KCNQ5: variants seen among roughly 807,000 people sequenced by gnomAD.
KCNQ5 encodes potassium voltage-gated channel subfamily Q member 5, also known as potassium voltage-gated channel subfamily KQT member 5.
A neutral mutation model predicts 98.2 loss-of-function variants in KCNQ5; 30 were observed. That is an observed-to-expected ratio of 0.31 (90% CI 0.23 to 0.41). KCNQ5 has a LOEUF of 0.41. Among genes scored for constraint, KCNQ5 ranks in the 10% least tolerant of loss-of-function variants. The pLI is 1.00. For missense variants in KCNQ5, 835 were observed against 1,182.5 expected (o/e 0.71, Z 4.31); for synonymous variants, 458 against 449.4 (o/e 1.02, Z -0.24).
intron 1 of KCNQ5, among the ~76,000 whole-genome samples, chr6:72,753,865 T>G (rs1323338179): frequency 2.6e-5 from 4 of 152,180 alleles, no homozygotes; most frequent in Non-Finnish European, 5.9e-5. Context: ...TACATATATT[T>G]TCTCTAAGTC....
At chr6:73,139,684 G>C (rs753047592) in intron 10 of KCNQ5, among the ~76,000 whole-genome samples, 1 of 152,118 alleles carries the variant, frequency 6.6e-6, no homozygotes, top group South Asian at 2.1e-4. Flanking sequence ...AAGGCAAAGT[G>C]GGTAAAGGAA....
chr6:73,142,498 C>CA (rs60700064), intron 10 of KCNQ5, among the ~76,000 whole-genome samples: 2,040 of 133,748 alleles, frequency 0.015, 32 homozygotes, highest in African/African-American at 0.045. Context: ...TATTATATCT[C>CA]AAAAAAAAAA....
At chr6:72,786,089 T>G (rs761529682) in intron 1 of KCNQ5, among the ~76,000 whole-genome samples, 104 of 152,244 alleles carry the variant, frequency 6.8e-4, no homozygotes, top group Non-Finnish European at 1.4e-3. Context: ...ATTACTATTT[T>G]GACACAATTG....
chr6:72,837,049 T>C (rs1160159724), intron 1 of KCNQ5, among the ~76,000 whole-genome samples: 1 of 152,214 alleles, frequency 6.6e-6, no homozygotes, highest in Non-Finnish European at 1.5e-5. Context: ...TCATGTGGAA[T>C]TGCTAAATAA....
chr6:72,836,184 T>G (rs1053071648), intron 1 of KCNQ5, among the ~76,000 whole-genome samples: 1 of 152,212 alleles, frequency 6.6e-6, no homozygotes, highest in Non-Finnish European at 1.5e-5. Context: ...TTTTGGTGGA[T>G]GAATCTAATC....
At chr6:72,668,783 C>G (rs1433414141) in intron 1 of KCNQ5, among the ~76,000 whole-genome samples, 1 of 149,858 alleles carries the variant, frequency 6.7e-6, no homozygotes, top group Non-Finnish European at 1.5e-5. Flanking sequence ...AAGAAGGCAG[C>G]CACCTACAAA....
chr6:72,687,172 G>A lies in KCNQ5; in HGVS notation c.398+64585G>A, dbSNP rs144758510. 3.2e-3 allele frequency among the ~76,000 whole-genome samples: 490 copies of A among 152,320 alleles called. 4 individuals carry two copies. Among genetic ancestry groups the A allele is most frequent in the African/African-American group, 0.011 (474 of 41,570 alleles). ...ATCAATACCAAGATCCTCCAAGGCT[G>A]TATATGAAGCGTTACTGAATACTTA... is the stretch of plus-strand genomic sequence containing the variant. On this transcript the variant is annotated intron_variant, in intron 1 of 13. Transcript: ENST00000370398.
chr6:73,061,943 T>C (rs1039953975), intron 3 of KCNQ5, among the ~76,000 whole-genome samples: 30 of 152,302 alleles, frequency 2.0e-4, no homozygotes, highest in Non-Finnish European at 4.3e-4. Context: ...TTGTATGTTT[T>C]TGTTTATTAT....
At chr6:72,637,222 G>C (rs1053717867) in intron 1 of KCNQ5, among the ~76,000 whole-genome samples, 6 of 150,652 alleles carry the variant, frequency 4.0e-5, no homozygotes, top group African/African-American at 1.2e-4. Context: ...TCCCTAAATG[G>C]GTTAAGAACA....
chr6:73,156,982 T>TG (rs1161916463), intron 10 of KCNQ5, among the ~76,000 whole-genome samples: 1 of 152,062 alleles, frequency 6.6e-6, no homozygotes, highest in Non-Finnish European at 1.5e-5. Flanking sequence ...GCCACGGGGC[T>TG]GGGGGCTCGG....
chr6:73,124,400 C>A, intron 8 of KCNQ5, 86 bp from the exon 9 acceptor site: 3 of 1,204,244 alleles, frequency 2.5e-6, no homozygotes, highest in Non-Finnish European at 3.7e-6. Flanking sequence ...ATTTGATTCC[C>A]CAATCTCCAA....
chr6:72,861,262 C>G (rs1777751345), intron 1 of KCNQ5, among the ~76,000 whole-genome samples: 1 of 152,066 alleles, frequency 6.6e-6, no homozygotes, highest in Non-Finnish European at 1.5e-5. Context: ...ACTATGCAGA[C>G]CAAGCAGCAA....
chr6:73,019,131 CA>C (rs1429186117), intron 2 of KCNQ5, among the ~76,000 whole-genome samples: 4 of 152,122 alleles, frequency 2.6e-5, no homozygotes, highest in Non-Finnish European at 5.9e-5. Context: ...ACCAGCATCC[CA>C]GTCCATCAAG....
At chr6:73,185,689 A>G (rs1399319574) in intron 11 of KCNQ5, among the ~76,000 whole-genome samples, 1 of 152,200 alleles carries the variant, frequency 6.6e-6, no homozygotes, top group Admixed American at 6.5e-5. Context: ...ATAAACAGCC[A>G]TATAGGATGT....
chr6:73,188,790 C>T (rs1443540039), intron 11 of KCNQ5, among the ~76,000 whole-genome samples: 1 of 152,036 alleles, frequency 6.6e-6, no homozygotes, highest in East Asian at 1.9e-4. Context: ...CGAGACCAGC[C>T]TGGCCAATAT....
chr6:73,015,047 A>G (rs1479007105), intron 2 of KCNQ5, among the ~76,000 whole-genome samples: 2 of 152,126 alleles, frequency 1.3e-5, no homozygotes, highest in African/African-American at 4.8e-5. Flanking sequence ...TAAATATTGT[A>G]AGAGAGGATA....
At chr6:73,172,133 C>T (rs151166329) in intron 11 of KCNQ5, among the ~76,000 whole-genome samples, 7 of 152,288 alleles carry the variant, frequency 4.6e-5, no homozygotes, top group African/African-American at 1.7e-4. Flanking sequence ...TTACTATTTA[C>T]ATGTCTATCT....
At chr6:72,762,384 G>C (rs1405263483) in intron 1 of KCNQ5, among the ~76,000 whole-genome samples, 1 of 151,598 alleles carries the variant, frequency 6.6e-6, no homozygotes, top group Non-Finnish European at 1.5e-5. Flanking sequence ...ACACAGCTTT[G>C]CCATCCAACT....
chr6:72,864,313 C>T (rs1474559092), intron 1 of KCNQ5, among the ~76,000 whole-genome samples: 3 of 152,096 alleles, frequency 2.0e-5, no homozygotes, highest in Non-Finnish European at 4.4e-5. Context: ...GCCATTAGTA[C>T]TACTCAAGAC....
Sources: gnomAD v4.1 joint callset for allele counts (sites outside exome capture counted in the v4.1 genomes callset) on GRCh38, gnomAD v4.1.1 for gene constraint, MANE v1.5 for transcripts, NCBI Gene and HGNC (gene_info 2026-07-23, HGNC 2026-07-21) for gene names.